The following UNC13C variants were observed in gnomAD, a reference collection of about 807,000 sequenced individuals.
UNC13C encodes the protein protein unc-13 homolog C.
In UNC13C, 174 loss-of-function variants were observed where a neutral mutation model predicts 245.4. That is an observed-to-expected ratio of 0.71 (90% CI 0.63 to 0.80). UNC13C has a LOEUF of 0.80. UNC13C is among the 30% of genes least tolerant of loss of function. The pLI, the probability that UNC13C is intolerant of heterozygous loss-of-function variation, is 0.00. For missense variants in UNC13C, 2,829 were observed against 2,602.9 expected (o/e 1.09, Z -1.89); for synonymous variants, 992 against 895.1 (o/e 1.11, Z -1.93).
intron 26 of UNC13C, among the ~76,000 whole-genome samples, chr15:54,538,150 A>C (rs1201038883): frequency 6.9e-6 from 1 of 145,740 alleles, no homozygotes; most frequent in Non-Finnish European, 1.5e-5. Context: ...AAAAAAAAAA[A>C]AAAAAAAAAA....
chr15:54,295,063 T>G (rs2037393625), intron 11 of UNC13C, among the ~76,000 whole-genome samples: 1 of 152,164 alleles, frequency 6.6e-6, no homozygotes, highest in South Asian at 2.1e-4. Flanking sequence ...AAATCTTCCT[T>G]AAAGAAGATT....
chr15:54,454,743 C>G (rs1891379845), intron 19 of UNC13C, among the ~76,000 whole-genome samples: 1 of 152,006 alleles, frequency 6.6e-6, no homozygotes. Flanking sequence ...ATAATGTTTT[C>G]AAGTTTCATC....
At chr15:53,957,403 G>A in the UNC13C span, among the ~76,000 whole-genome samples, 2 of 152,188 alleles carry the variant, frequency 1.3e-5, no homozygotes, top group Non-Finnish European at 2.9e-5. Context: ...AAAGTGCTGG[G>A]ATTATAGGCG....
intron 18 of UNC13C, among the ~76,000 whole-genome samples, chr15:54,411,086 T>C (rs77774445): frequency 0.031 from 4,691 of 152,280 alleles, 189 homozygotes; most frequent in Admixed American, 0.12. Flanking sequence ...GGCAAATATC[T>C]AATGACTAAT....
At chr15:54,522,450 C>T (rs1347399333) in intron 24 of UNC13C, among the ~76,000 whole-genome samples, 1 of 152,084 alleles carries the variant, frequency 6.6e-6, no homozygotes, top group Non-Finnish European at 1.5e-5. Context: ...TGCACTCCAG[C>T]CTGGGCAACA....
chr15:54,336,823 A>G (rs1167767231), intron 16 of UNC13C, among the ~76,000 whole-genome samples: 1 of 152,122 alleles, frequency 6.6e-6, no homozygotes, highest in African/African-American at 2.4e-5. Flanking sequence ...TATACTGTTC[A>G]ATTGTTTGTA....
intron 14 of UNC13C, among the ~76,000 whole-genome samples, chr15:54,326,682 A>G (rs1476427959): frequency 6.6e-6 from 1 of 151,996 alleles, no homozygotes; most frequent in East Asian, 1.9e-4. Flanking sequence ...AAGAGAGAAA[A>G]CAGGCAGAGA....
chr15:54,491,846 C>A (rs923662129), intron 19 of UNC13C, among the ~76,000 whole-genome samples: 2 of 151,952 alleles, frequency 1.3e-5, no homozygotes, highest in African/African-American at 4.8e-5. Context: ...AAAAATTAGC[C>A]GGGCGTGGTA....
In UNC13C at chr15:54,030,582, C is replaced by T. The variant is rs374291446; in HGVS notation, c.2983+14696C>T. ...ATTATGTAGAAGTAAATGTGGCTTCCATCATCCTCTTCTTACCCCCATCTT... is the reference window on the plus strand; with the variant it reads ...ATTATGTAGAAGTAAATGTGGCTTCTATCATCCTCTTCTTACCCCCATCTT... On this transcript the variant is annotated intron_variant, in intron 2 of 32. Transcript: ENST00000260323. Among the ~76,000 whole-genome samples the T allele has an allele frequency of 3.9e-5, 6 of 152,294 alleles. No individual in the cohort carries two copies. The East Asian group carries it at 7.7e-4, about 20-fold the overall frequency.
rs533949933 is a variant in UNC13C, at chr15:54,418,855, G to T, written c.4933+3788G>T. 7.2e-5 allele frequency among the ~76,000 whole-genome samples: 11 copies of T among 152,264 alleles called. No homozygotes were observed. In the South Asian group the frequency reaches 2.1e-3, roughly 29 times the overall value. On this transcript the variant is annotated intron_variant, in intron 19 of 32. Coordinates refer to ENST00000260323, the MANE Select transcript of UNC13C (RefSeq NM_001080534.3). ...ATCTTTACATTGAAGGAAAGCATCA[G>T]TGTTAATACCATTGACCTAAACTTG... is the stretch of plus-strand genomic sequence containing the variant.
At chr15:54,299,431 G>A (rs1275969290) in intron 12 of UNC13C, among the ~76,000 whole-genome samples, 1 of 152,002 alleles carries the variant, frequency 6.6e-6, no homozygotes, top group Non-Finnish European at 1.5e-5. Context: ...GCTAAATTTT[G>A]CCTTAACATA....
At chr15:54,435,639 G>A (rs2040967791) in intron 19 of UNC13C, among the ~76,000 whole-genome samples, 1 of 151,352 alleles carries the variant, frequency 6.6e-6, no homozygotes, top group Admixed American at 6.6e-5. Flanking sequence ...TGTAGATGAT[G>A]GGTTGATGGG....
chr15:53,902,078 AG>A, the UNC13C span, among the ~76,000 whole-genome samples: 1 of 148,888 alleles, frequency 6.7e-6, no homozygotes, highest in African/African-American at 2.4e-5. Context: ...ATGTTCTCTC[AG>A]GCATACTTTT....
intron 17 of UNC13C, among the ~76,000 whole-genome samples, chr15:54,383,572 G>T (rs1178989895): frequency 1.3e-5 from 2 of 152,016 alleles, no homozygotes; most frequent in Non-Finnish European, 2.9e-5. Context: ...TACTGAAGGG[G>T]GAGATTTGAA....
chr15:54,092,013 C>G (rs894195020), intron 2 of UNC13C, among the ~76,000 whole-genome samples: 1 of 152,268 alleles, frequency 6.6e-6, no homozygotes, highest in Middle Eastern at 3.4e-3. Flanking sequence ...TTCAAATTTA[C>G]TACACCTCTT....
At chr15:53,949,997 GGAA>G in the UNC13C span, among the ~76,000 whole-genome samples, 1 of 152,070 alleles carries the variant, frequency 6.6e-6, no homozygotes, top group Non-Finnish European at 1.5e-5. Context: ...CAGAAACACA[GGAA>G]GAAGATAAAA....
In UNC13C at chr15:54,574,288, ATAGT is replaced by A. The variant is rs553547320; in HGVS notation, c.6106+6345_6106+6348del. 7.0e-4 allele frequency among the ~76,000 whole-genome samples: 107 copies of A among 152,294 alleles called. 1 individual carries two copies. Among genetic ancestry groups the A allele is most frequent in the African/African-American group, 2.4e-3 (100 of 41,568 alleles). On this transcript the variant is annotated intron_variant, in intron 30 of 32. Transcript: ENST00000260323. The stretch of plus-strand genomic sequence containing the variant: ...AATTTGACTCAGTGGTTTAAAATTG[ATAGT>A]TAGCTTGAAATATTACATTTCTTAT...
At chr15:53,918,904 T>G in the UNC13C span, among the ~76,000 whole-genome samples, 1 of 152,326 alleles carries the variant, frequency 6.6e-6, no homozygotes, top group African/African-American at 2.4e-5. Flanking sequence ...CGAGCAATTT[T>G]TCGACAGTCA....
At chr15:54,491,274 A>G (rs1218782920) in intron 19 of UNC13C, among the ~76,000 whole-genome samples, 1 of 152,204 alleles carries the variant, frequency 6.6e-6, no homozygotes, top group Non-Finnish European at 1.5e-5. Flanking sequence ...ATGAAGATCC[A>G]CATACCATAG....
Sources: gnomAD v4.1 joint callset for allele counts (sites outside exome capture counted in the v4.1 genomes callset) on GRCh38, gnomAD v4.1.1 for gene constraint, MANE v1.5 for transcripts, NCBI Gene and HGNC (gene_info 2026-07-23, HGNC 2026-07-21) for gene names.